Variants in FRY observed in about 807,000 individuals in gnomAD.
The protein encoded by FRY is protein furry homolog.
In FRY, 128 loss-of-function variants were observed where a neutral mutation model predicts 348.4. The observed-to-expected ratio is 0.37, with a 90% CI of 0.32 to 0.43. FRY has a LOEUF of 0.43. Ranked by LOEUF, FRY falls within the 20% of genes least tolerant of loss-of-function variation. FRY has a pLI of 1.00. For missense variants in FRY, 2,736 were observed against 3,695.2 expected (o/e 0.74, Z 6.73); for synonymous variants, 1,370 against 1,374.7 (o/e 1.00, Z 0.08).
At chr13:32,085,887 T>C (rs1396768109) in intron 2 of FRY, 2 of 518,910 alleles carry the variant, frequency 3.9e-6, no homozygotes, top group Admixed American at 3.9e-5. Flanking sequence ...TCAGCAGACC[T>C]GGTCTTAGCC....
In FRY at chr13:32,249,667, A is replaced by G; in HGVS notation, c.7150A>G (p.Lys2384Glu). 6.2e-7 allele frequency: 1 copy of G among 1,613,926 alleles called. No individual in the cohort carries two copies. Among genetic ancestry groups the G allele is most frequent in the Non-Finnish European group, 8.5e-7 (1 of 1,179,846 alleles). ...CAACGTCCTTGTTCCAGTGAGCTGG[A>G]AAAGGCCCCAGTATTCTCAGGTATG... The part of the protein sequence containing the change: ...NSNVLVPVSW[K>E]RPQYSQKRTK... Residue 2384 changes from lysine to glutamate, a missense_variant, in exon 49 of 61, where the codon AAA (lysine) becomes GAA (glutamate). Physicochemically the swap from Lys to Glu is moderately conservative, Grantham distance 56. This residue lies in a region of FRY where 789 missense variants were observed against 996.2 expected (regional missense o/e 0.79). Coordinates refer to ENST00000542859, the MANE Select transcript of FRY (RefSeq NM_023037.3).
chr13:32,083,568 C>A (rs758709840), intron 2 of FRY, among the ~76,000 whole-genome samples: 1 of 152,104 alleles, frequency 6.6e-6, no homozygotes, highest in African/African-American at 2.4e-5. Flanking sequence ...GAGTGTTTCT[C>A]CAGCACGGTT....
intron 20 of FRY, among the ~76,000 whole-genome samples, chr13:32,177,808 A>G (rs778339246): frequency 6.6e-6 from 1 of 152,232 alleles, no homozygotes; most frequent in Non-Finnish European, 1.5e-5. Context: ...AGAGATGAAT[A>G]ACTTTTCAGA....
intron 36 of FRY, among the ~76,000 whole-genome samples, chr13:32,219,628 G>A (rs1002540508): frequency 9.2e-5 from 14 of 151,700 alleles, no homozygotes; most frequent in Admixed American, 3.9e-4. Context: ...GCATGGTGGC[G>A]GGCGCCTGTA....
intron 1 of FRY, among the ~76,000 whole-genome samples, chr13:32,055,384 C>T (rs886889797): frequency 6.6e-6 from 1 of 152,092 alleles, no homozygotes; most frequent in African/African-American, 2.4e-5. Context: ...GATTCCTCTA[C>T]GTGGGAGGAT....
rs1882032679 is a variant in FRY at position 32,171,145 on chromosome 13, G to T, written c.2026G>T (p.Asp676Tyr). ...CAACTTCCTGCTCCGGGAAGTAAAT[G>T]ATATGCATCACACACTCCTTGATTC... Reference protein sequence around the residue: ...FTNFLLREVNDMHHTLLDSSL... With the variant: ...FTNFLLREVNYMHHTLLDSSL... Residue 676 changes from aspartate (D) to tyrosine (Y), a missense_variant, in exon 18 of 61, where the codon GAT (aspartate) becomes TAT (tyrosine). This residue lies in a region of FRY where 449 missense variants were observed against 576.9 expected (regional missense o/e 0.78). Transcript: ENST00000542859. The T allele has an allele frequency of 6.2e-7, 1 of 1,613,872 alleles. No homozygotes were observed. Among genetic ancestry groups the T allele is most frequent in the Non-Finnish European group, 8.5e-7 (1 of 1,179,878 alleles).
intron 14 of FRY, 125 bp downstream of exon 14, chr13:32,149,959 A>G: frequency 2.9e-6 from 2 of 699,562 alleles, no homozygotes; most frequent in Non-Finnish European, 5.2e-6. Flanking sequence ...GTTTCTGTCA[A>G]TGTCCAAATT....
At chr13:32,050,740 G>C (rs575655751) in intron 1 of FRY, among the ~76,000 whole-genome samples, 3 of 152,150 alleles carry the variant, frequency 2.0e-5, no homozygotes, top group African/African-American at 7.2e-5. Flanking sequence ...GACTACTTCA[G>C]AATGCCACAG....
At chr13:32,112,092 G>A (rs377329753) in intron 3 of FRY, among the ~76,000 whole-genome samples, 102 of 152,324 alleles carry the variant, frequency 6.7e-4, no homozygotes, top group African/African-American at 2.1e-3. Flanking sequence ...GGGAGTTTGT[G>A]CTTGGACACG....
intron 19 of FRY, among the ~76,000 whole-genome samples, chr13:32,174,764 G>A (rs1055702376): frequency 6.6e-6 from 1 of 152,064 alleles, no homozygotes; most frequent in African/African-American, 2.4e-5. Flanking sequence ...CACAGAAATA[G>A]AGACATCCCA....
intron 55 of FRY, among the ~76,000 whole-genome samples, chr13:32,273,552 G>A (rs1029261410): frequency 6.6e-6 from 1 of 152,118 alleles, no homozygotes; most frequent in Non-Finnish European, 1.5e-5. Context: ...TTGTTCATCC[G>A]GTGATGAGGA....
intron 53 of FRY, among the ~76,000 whole-genome samples, chr13:32,263,140 T>A (rs932503723): frequency 6.6e-6 from 1 of 152,222 alleles, no homozygotes; most frequent in Non-Finnish European, 1.5e-5. Flanking sequence ...TCTATGCCCA[T>A]CAGTATAGAA....
In FRY at chr13:32,294,538, C is replaced by G. The variant is rs376502828; in HGVS notation, c.8751C>G (p.Leu2917=). ...SMLECLKNNE[L]GKALRQIREC... ...TGGAGTGCCTGAAGAACAACGAACTCGGCAAAGCTTTGCGGCAGATCAGGG... is the reference window on the plus strand; with the variant it reads ...TGGAGTGCCTGAAGAACAACGAACTGGGCAAAGCTTTGCGGCAGATCAGGG... Residue 2917 remains leucine, a synonymous_variant, in exon 60 of 61, where the codon CTC becomes CTG. Transcript: ENST00000542859. The G allele has an allele frequency of 1.1e-5, 17 of 1,613,976 alleles. No individual in the cohort carries two copies. Among genetic ancestry groups the G allele is most frequent in the Non-Finnish European group, 1.4e-5 (17 of 1,179,970 alleles).
chr13:32,191,893 G>A (rs1883357791), intron 28 of FRY, among the ~76,000 whole-genome samples: 1 of 152,144 alleles, frequency 6.6e-6, no homozygotes. Context: ...TGGAGGTTGC[G>A]GGGATACAAA....
intron 4 of FRY, among the ~76,000 whole-genome samples, chr13:32,123,698 G>A (rs1269571856): frequency 6.6e-6 from 1 of 152,224 alleles, no homozygotes; most frequent in Non-Finnish European, 1.5e-5. Flanking sequence ...ACCACAAGGT[G>A]AGGTGATAGA....
chr13:32,113,747 C>G (rs1878124859), intron 3 of FRY, among the ~76,000 whole-genome samples: 1 of 152,188 alleles, frequency 6.6e-6, no homozygotes, highest in Non-Finnish European at 1.5e-5. Context: ...GTTGAGTAAC[C>G]AAGAAGCCAG....
intron 1 of FRY, among the ~76,000 whole-genome samples, chr13:32,075,258 T>C (rs1321797454): frequency 6.6e-6 from 1 of 152,180 alleles, no homozygotes; most frequent in Non-Finnish European, 1.5e-5. Context: ...TTTTCCCACC[T>C]TTTTTACCTT....
At chr13:32,254,999 T>C (rs527266451) in intron 51 of FRY, among the ~76,000 whole-genome samples, 1 of 152,316 alleles carries the variant, frequency 6.6e-6, no homozygotes, top group South Asian at 2.1e-4. Flanking sequence ...TTCATTTATT[T>C]TGGATGATAA....
chr13:32,222,730 T>C (rs1885379712), intron 36 of FRY, among the ~76,000 whole-genome samples: 1 of 152,242 alleles, frequency 6.6e-6, no homozygotes, highest in Non-Finnish European at 1.5e-5. Flanking sequence ...CTTTCTTCTC[T>C]ACAAAATGGG....
Sources: gnomAD v4.1 joint callset for allele counts (sites outside exome capture counted in the v4.1 genomes callset) on GRCh38, gnomAD v4.1.1 for gene constraint, gnomAD v4.1.1 regional missense constraint, MANE v1.5 for transcripts, NCBI Gene and HGNC (gene_info 2026-07-23, HGNC 2026-07-21) for gene names.